Variants in TBCK observed in about 807,000 individuals in gnomAD.
TBCK encodes TBC domain-containing protein kinase-like protein.
A neutral mutation model predicts 113.4 loss-of-function variants in TBCK; 99 were observed. The ratio of observed to expected loss-of-function variants is 0.87; its 90% confidence interval spans 0.74 to 1.03. The LOEUF (loss-of-function observed/expected upper bound fraction) is 1.03. TBCK is among the 50% of genes least tolerant of loss of function. TBCK has a pLI of 0.00. For synonymous variants in TBCK, 369 were observed against 370.8 expected, an observed-to-expected ratio of 1.00 and a Z score of 0.05; for missense variants, 1,045 against 1,061.3, an observed-to-expected ratio of 0.98 and a Z score of 0.21.
At chr4:106,146,590 T>C (rs1338096753) in intron 23 of TBCK, among the ~76,000 whole-genome samples, 2 of 152,150 alleles carry the variant, frequency 1.3e-5, no homozygotes, top group East Asian at 3.8e-4. Flanking sequence ...AAACCTAAAA[T>C]AATAGTTAAA....
At chr4:106,151,978 T>C (rs1748546338) in intron 23 of TBCK, among the ~76,000 whole-genome samples, 1 of 152,018 alleles carries the variant, frequency 6.6e-6, no homozygotes. Context: ...TAATACTGTT[T>C]TTTATGGAGT....
intron 25 of TBCK, among the ~76,000 whole-genome samples, chr4:106,065,188 T>G (rs996500227): frequency 1.3e-5 from 2 of 151,972 alleles, no homozygotes; most frequent in African/African-American, 2.4e-5. Context: ...ATACATGATA[T>G]GGTAGACTAG....
intron 24 of TBCK, among the ~76,000 whole-genome samples, chr4:106,115,582 C>T (rs1686524596): frequency 6.6e-6 from 1 of 151,914 alleles, no homozygotes; most frequent in Admixed American, 6.6e-5. Context: ...AAGTGAAAAC[C>T]ATTTATCTAG....
chr4:106,264,367 G>T (rs185139523), intron 3 of TBCK, among the ~76,000 whole-genome samples: 1 of 152,058 alleles, frequency 6.6e-6, no homozygotes, highest in East Asian at 1.9e-4. Flanking sequence ...GTATGATTCG[G>T]GCAGAGGCCA....
At chr4:106,249,608 G>A (rs1186152994) in intron 7 of TBCK, among the ~76,000 whole-genome samples, 1 of 151,994 alleles carries the variant, frequency 6.6e-6, no homozygotes, top group Non-Finnish European at 1.5e-5. Flanking sequence ...TATTTTTATT[G>A]TACATAATTT....
At chr4:106,113,024 A>C (rs1743039249) in intron 24 of TBCK, among the ~76,000 whole-genome samples, 1 of 152,228 alleles carries the variant, frequency 6.6e-6, no homozygotes, top group Non-Finnish European at 1.5e-5. Flanking sequence ...TGAATTTGAA[A>C]AACTAAGATA....
intron 25 of TBCK, among the ~76,000 whole-genome samples, chr4:106,048,272 T>A (rs1734433988): frequency 6.6e-6 from 1 of 152,132 alleles, no homozygotes; most frequent in Admixed American, 6.6e-5. Context: ...ATCTCCAAAA[T>A]AACTCACATA....
intron 3 of TBCK, among the ~76,000 whole-genome samples, chr4:106,268,039 C>T (rs1763144947): frequency 6.6e-6 from 1 of 152,006 alleles, no homozygotes; most frequent in Non-Finnish European, 1.5e-5. Flanking sequence ...TTTTTAACTA[C>T]TACCTCCTAT....
intron 3 of TBCK, among the ~76,000 whole-genome samples, chr4:106,275,263 T>C (rs1052423885): frequency 5.9e-5 from 9 of 152,180 alleles, no homozygotes; most frequent in Admixed American, 1.3e-4. Flanking sequence ...CAATTAGAAA[T>C]ATAAGAGTAC....
intron 23 of TBCK, among the ~76,000 whole-genome samples, chr4:106,122,768 C>CA (rs1313288939): frequency 6.6e-6 from 1 of 152,078 alleles, no homozygotes; most frequent in South Asian, 2.1e-4. Context: ...GAGCCAAAGA[C>CA]AAAAACCACA....
At chr4:106,250,546 C>A in intron 6 of TBCK, 68 bp from the exon 7 acceptor site, 1 of 822,994 alleles carries the variant, frequency 1.2e-6, no homozygotes, top group Non-Finnish European at 1.9e-6. Context: ...CATTTTTCTC[C>A]CCTTATAGCT....
chr4:106,272,258 A>AAATATAAC (rs2125748010), intron 3 of TBCK, among the ~76,000 whole-genome samples: 1 of 152,320 alleles, frequency 6.6e-6, no homozygotes, highest in East Asian at 1.9e-4. Context: ...GGTAAAGTTT[A>AAATATAAC]AATATAACAT....
chr4:106,224,813 T>G (rs1253230433), intron 19 of TBCK, among the ~76,000 whole-genome samples: 1 of 152,176 alleles, frequency 6.6e-6, no homozygotes, highest in Non-Finnish European at 1.5e-5. Flanking sequence ...CCTAAGAATG[T>G]CTTTACCTAT....
intron 23 of TBCK, among the ~76,000 whole-genome samples, chr4:106,127,918 A>G (rs894712817): frequency 1.3e-5 from 2 of 152,100 alleles, no homozygotes; most frequent in Admixed American, 6.6e-5. Flanking sequence ...AAGCTGCCTT[A>G]AGCTAATATT....
chr4:106,192,544 A>G (rs1476788636), intron 22 of TBCK, among the ~76,000 whole-genome samples: 6 of 152,134 alleles, frequency 3.9e-5, no homozygotes, highest in Admixed American at 6.6e-5. Context: ...TTAAAATTTG[A>G]TAAGTCAGAA....
intron 22 of TBCK, among the ~76,000 whole-genome samples, chr4:106,186,989 T>C (rs561045196): frequency 4.6e-5 from 7 of 152,296 alleles, no homozygotes; most frequent in Non-Finnish European, 1.0e-4. Flanking sequence ...ATTTACTGAA[T>C]AGGGAATCCT....
intron 2 of TBCK, among the ~76,000 whole-genome samples, chr4:106,302,461 T>C (rs560917179): frequency 1.3e-5 from 2 of 152,330 alleles, no homozygotes; most frequent in East Asian, 1.9e-4. Context: ...TCGGTGTTTA[T>C]AGAGGCCCGT....
At chr4:106,294,733 G>A (rs899183642) in intron 3 of TBCK, among the ~76,000 whole-genome samples, 1 of 151,866 alleles carries the variant, frequency 6.6e-6, no homozygotes, top group African/African-American at 2.4e-5. Flanking sequence ...CGCCCGCCTC[G>A]GCCTCCCAAA....
chr4:106,116,349 CAGG>C lies in TBCK; in HGVS notation c.2262_2264del (p.Asp754_Leu755delinsGlu). The C allele has an allele frequency of 6.2e-7, 1 of 1,611,576 alleles. No individual in the cohort carries two copies. The highest frequency in any genetic ancestry group is 8.5e-7 in the Non-Finnish European group (1 of 1,179,146). ...AAATCCGTGGTGATACTTCTGACTT[CAGG>C]TCATTTAATGGGATGGATTCTCTTG... On this transcript the variant is annotated inframe_deletion, in exon 24 of 26. Transcript: ENST00000394708.
Sources: gnomAD v4.1 joint callset for allele counts (sites outside exome capture counted in the v4.1 genomes callset) on GRCh38, gnomAD v4.1.1 for gene constraint, MANE v1.5 for transcripts, NCBI Gene and HGNC (gene_info 2026-07-23, HGNC 2026-07-21) for gene names.